SLCO6A1: variants seen among roughly 807,000 people sequenced by gnomAD.
The protein encoded by SLCO6A1 is solute carrier organic anion transporter family member 6A1.
SLCO6A1 carries 65 observed loss-of-function variants against 72.7 expected under a neutral mutation model. The ratio of observed to expected loss-of-function variants is 0.89; its 90% CI spans 0.73 to 1.10. The LOEUF (loss-of-function observed/expected upper bound fraction) is 1.10. Ranked by LOEUF, SLCO6A1 falls within the 50% of genes least tolerant of loss-of-function variation. The probability of loss-of-function intolerance (pLI) is 0.00; values close to 1 mark genes in which losing one functional copy is unlikely to be tolerated. For missense variants in SLCO6A1, 874 were observed against 872.6 expected, an observed-to-expected ratio of 1.00 and a Z score of -0.02; for synonymous variants, 314 against 298.2, an observed-to-expected ratio of 1.05 and a Z score of -0.55.
intron 4 of SLCO6A1, among the ~76,000 whole-genome samples, chr5:102,466,971 G>C (rs1751344144): frequency 1.3e-5 from 2 of 152,094 alleles, no homozygotes; most frequent in Non-Finnish European, 2.9e-5. Flanking sequence ...TAGGTTGTCT[G>C]TTTACTCTGT....
At chr5:102,390,872 C>T (rs764744558) in intron 11 of SLCO6A1, 109 bp downstream of exon 11, 40 of 906,662 alleles carry the variant, frequency 4.4e-5, no homozygotes, top group Non-Finnish European at 6.1e-5. Flanking sequence ...CCCTTTCACT[C>T]GCTTTGTGTC....
intron 6 of SLCO6A1, among the ~76,000 whole-genome samples, chr5:102,442,498 T>G (rs549867720): frequency 5.9e-5 from 9 of 152,312 alleles, no homozygotes; most frequent in African/African-American, 2.2e-4. Context: ...AAATAAACAT[T>G]AATTTCTTAA....
rs768906590 is a variant in SLCO6A1 at position 102,458,342 on chromosome 5, C to A, written c.1131+40G>T. The A allele has an allele frequency of 3.5e-6, 5 of 1,432,464 alleles. No individual in the cohort carries two copies. In the Admixed American group the frequency reaches 9.3e-5, roughly 27 times the overall value. 88.7% of individuals were successfully genotyped at this position (1,432,464 alleles called of 1,614,324 possible). A position where few individuals can be genotyped will look rare whatever the true frequency, so the allele number is the denominator to read the frequency against. On this transcript the variant is annotated intron_variant, in intron 6 of 13. Coordinates refer to ENST00000506729, the MANE Select transcript of SLCO6A1 (RefSeq NM_173488.5). ...TTCATTATTAGAAAATTAAACAGGT[C>A]AACTTAGTTGGATTGTTCAAGTAAA... is the stretch of plus-strand genomic sequence containing the variant.
At chr5:102,406,779 CAAGTGA>C (rs1466839170) in intron 9 of SLCO6A1, among the ~76,000 whole-genome samples, 3 of 151,910 alleles carry the variant, frequency 2.0e-5, no homozygotes, top group Non-Finnish European at 4.4e-5. Flanking sequence ...CTAAAAAATA[CAAGTGA>C]AATTAGAACC....
chr5:102,380,628 A>G (rs1335659662), intron 12 of SLCO6A1, among the ~76,000 whole-genome samples: 3 of 152,038 alleles, frequency 2.0e-5, no homozygotes. Context: ...TAAAACCTTT[A>G]GCAATGAAGG....
intron 2 of SLCO6A1, among the ~76,000 whole-genome samples, chr5:102,479,326 A>C (rs1172787214): frequency 6.6e-6 from 1 of 152,172 alleles, no homozygotes; most frequent in Non-Finnish European, 1.5e-5. Context: ...GCCCTCCTGT[A>C]CAGGCTGCAG....
intron 8 of SLCO6A1, among the ~76,000 whole-genome samples, chr5:102,416,564 T>C (rs906666527): frequency 1.5e-4 from 23 of 151,984 alleles, no homozygotes; most frequent in Non-Finnish European, 3.4e-4. Flanking sequence ...TGATAGACCA[T>C]GGAGACTCAG....
rs1180328138 is a variant in SLCO6A1, at chr5:102,459,515, C to A, written c.1021+141G>T. On this transcript the variant is annotated intron_variant, in intron 5 of 13. Coordinates refer to ENST00000506729, the MANE Select transcript of SLCO6A1 (RefSeq NM_173488.5). ...TTGCTTAAATAACACTAGCACTTGA[C>A]ACTGTATCTCTATGACAAACCACTA... 1.5e-5 allele frequency: 13 copies of A among 896,354 alleles called. No individual in the cohort carries two copies. In the Admixed American group the frequency reaches 4.1e-4, roughly 28 times the overall value. 55.5% of individuals were successfully genotyped at this position (896,354 alleles called of 1,614,324 possible). A position where few individuals can be genotyped will look rare whatever the true frequency, so the allele number is the denominator to read the frequency against.
At chr5:102,487,928 C>A (rs1270997902) in intron 1 of SLCO6A1, among the ~76,000 whole-genome samples, 2 of 152,254 alleles carry the variant, frequency 1.3e-5, no homozygotes, top group East Asian at 3.9e-4. Context: ...AAGACCAAGG[C>A]AGAATCTAAA....
chr5:102,432,179 C>T (rs988960943), intron 7 of SLCO6A1, among the ~76,000 whole-genome samples: 10 of 152,066 alleles, frequency 6.6e-5, no homozygotes, highest in Non-Finnish European at 1.3e-4. Flanking sequence ...TTCGGTCTTG[C>T]TTTTCTATTC....
chr5:102,397,108 T>G (rs577914626), intron 10 of SLCO6A1, among the ~76,000 whole-genome samples: 2 of 152,320 alleles, frequency 1.3e-5, no homozygotes, highest in African/African-American at 4.8e-5. Context: ...TTTTTAAGTT[T>G]AAACTCATAT....
chr5:102,394,907 C>T (rs1417105593), intron 10 of SLCO6A1, among the ~76,000 whole-genome samples: 1 of 152,100 alleles, frequency 6.6e-6, no homozygotes, highest in African/African-American at 2.4e-5. Context: ...CATTTTTCAA[C>T]AGTCCATCAT....
rs573427356 is a variant in SLCO6A1 at position 102,450,600 on chromosome 5, G to A, written c.1131+7782C>T. Among the ~76,000 whole-genome samples the A allele has an allele frequency of 8.7e-4, 132 of 152,302 alleles. 1 individual carries two copies. Among genetic ancestry groups the A allele is most frequent in the African/African-American group, 2.9e-3 (122 of 41,560 alleles). On this transcript the variant is annotated intron_variant, in intron 6 of 13. Transcript: ENST00000506729. Reference sequence around the variant, plus strand: ...TCTCAGCTTGGCATTTCCGGGCTGCGCATCATAGCCCTGGGGCAAGCTGAT... The same window carrying A: ...TCTCAGCTTGGCATTTCCGGGCTGCACATCATAGCCCTGGGGCAAGCTGAT...
At chr5:102,372,519 T>C (rs1280038120) in intron 13 of SLCO6A1, among the ~76,000 whole-genome samples, 5 of 151,944 alleles carry the variant, frequency 3.3e-5, no homozygotes, top group Admixed American at 3.3e-4. Flanking sequence ...AAATGCATTT[T>C]AGCTTAAAAA....
At chr5:102,411,663 C>A (rs1045189936) in intron 9 of SLCO6A1, among the ~76,000 whole-genome samples, 3 of 151,586 alleles carry the variant, frequency 2.0e-5, no homozygotes, top group Non-Finnish European at 4.4e-5. Flanking sequence ...CCCTTCAAAC[C>A]ATAAATTCTC....
At chr5:102,421,142 G>A (rs1025168711) in intron 7 of SLCO6A1, among the ~76,000 whole-genome samples, 2 of 152,166 alleles carry the variant, frequency 1.3e-5, no homozygotes, top group African/African-American at 2.4e-5. Flanking sequence ...AGATTCCCTC[G>A]GGTGCCTACA....
chr5:102,373,514 T>C lies in SLCO6A1; in HGVS notation c.2018-20A>G, dbSNP rs372542541. On this transcript the variant is annotated intron_variant, in intron 12 of 13. Transcript: ENST00000506729. Reference sequence around the variant, plus strand: ...GAAAACCTAAATTTAAAAAATGCAATGATCAGATATGTCCATGTATTTAGA... The same window carrying C: ...GAAAACCTAAATTTAAAAAATGCAACGATCAGATATGTCCATGTATTTAGA... The C allele has an allele frequency of 1.6e-4, 231 of 1,438,780 alleles. No homozygotes were observed. The highest frequency in any genetic ancestry group is 2.1e-4 in the Non-Finnish European group (227 of 1,092,780). 89.1% of individuals were successfully genotyped at this position (1,438,780 alleles called of 1,614,324 possible).
intron 5 of SLCO6A1, 130 bp downstream of exon 5, chr5:102,459,526 T>C: frequency 9.5e-7 from 1 of 1,052,002 alleles, no homozygotes; most frequent in Non-Finnish European, 1.3e-6. Flanking sequence ...ACTGTATCTC[T>C]ATGACAAACC....
At chr5:102,442,881 G>A (rs565515577) in intron 6 of SLCO6A1, among the ~76,000 whole-genome samples, 86 of 141,518 alleles carry the variant, frequency 6.1e-4, no homozygotes, top group African/African-American at 2.0e-3. Context: ...GGCCAACATG[G>A]TGAAACCCCG....
Sources: allele counts gnomAD v4.1 joint callset (sites outside exome capture counted in the v4.1 genomes callset), GRCh38; gene constraint gnomAD v4.1.1; transcripts MANE v1.5; gene names NCBI Gene and HGNC (gene_info 2026-07-23, HGNC 2026-07-21).